Variants in PLEKHG1 observed in about 807,000 individuals in gnomAD.
The protein encoded by PLEKHG1 is pleckstrin homology and RhoGEF domain containing G1.
A neutral mutation model predicts 100.8 loss-of-function variants in PLEKHG1; 44 were observed. The ratio of observed to expected loss-of-function variants is 0.44; its 90% CI spans 0.34 to 0.56. PLEKHG1 has a LOEUF of 0.56. Among genes scored for constraint, PLEKHG1 ranks in the 20% least tolerant of loss-of-function variants. The pLI is 0.01. For synonymous variants in PLEKHG1, 640 were observed against 662.5 expected (o/e 0.97, Z 0.52); for missense variants, 1,545 against 1,720.9 (o/e 0.90, Z 1.81).
chr6:150,840,768 C>G, exon 16 of PLEKHG1: 1 of 1,614,140 alleles, frequency 6.2e-7, no homozygotes, highest in Non-Finnish European at 8.5e-7. Context: ...TTCACCATAT[C>G]TGACACCATA....
At chr6:150,801,432 CTTTTCTTTTTT>C (rs1217293448) in intron 6 of PLEKHG1, among the ~76,000 whole-genome samples, 1 of 125,850 alleles carries the variant, frequency 7.9e-6, no homozygotes, top group Non-Finnish European at 1.6e-5. Context: ...TTTTTCTTTT[CTTTTCTTTTTT>C]TTTTTTTTTT....
intron 15 of PLEKHG1, among the ~76,000 whole-genome samples, chr6:150,835,156 C>G (rs886395267): frequency 7.9e-5 from 12 of 152,100 alleles, no homozygotes; most frequent in Admixed American, 3.3e-4. Flanking sequence ...CAGATTTCTG[C>G]CTATAAATCA....
At chr6:150,813,941 G>C (rs1787701827) in intron 10 of PLEKHG1, among the ~76,000 whole-genome samples, 1 of 152,066 alleles carries the variant, frequency 6.6e-6, no homozygotes, top group Non-Finnish European at 1.5e-5. Flanking sequence ...AATTGAACTG[G>C]GTGGAAAATA....
At chr6:150,635,788 T>A (rs901913040) in intron 1 of PLEKHG1, among the ~76,000 whole-genome samples, 10 of 152,142 alleles carry the variant, frequency 6.6e-5, no homozygotes, top group Non-Finnish European at 1.3e-4. Context: ...TAAAACACTG[T>A]GTATCTTAAA....
chr6:150,668,239 CA>C (rs1376083525), intron 3 of PLEKHG1, among the ~76,000 whole-genome samples: 1 of 152,188 alleles, frequency 6.6e-6, no homozygotes, highest in Non-Finnish European at 1.5e-5. Flanking sequence ...CTGCTAAAAA[CA>C]GAACACAAAA....
chr6:150,611,199 A>T (rs984703801), intron 1 of PLEKHG1, among the ~76,000 whole-genome samples: 2 of 152,174 alleles, frequency 1.3e-5, no homozygotes, highest in African/African-American at 4.8e-5. Context: ...GAATTTGCAG[A>T]TCTGATGTTC....
chr6:150,713,930 G>A (rs1368396957), intron 3 of PLEKHG1, among the ~76,000 whole-genome samples: 1 of 152,208 alleles, frequency 6.6e-6, no homozygotes, highest in African/African-American at 2.4e-5. Flanking sequence ...CTCAATGGCT[G>A]TTACTCTGAA....
chr6:150,750,458 G>C (rs1783441228), intron 2 of PLEKHG1, among the ~76,000 whole-genome samples: 1 of 152,114 alleles, frequency 6.6e-6, no homozygotes, highest in African/African-American at 2.4e-5. Flanking sequence ...TTGAGATTTA[G>C]TACCCTAACA....
At chr6:150,772,768 T>C (rs1437861904) in intron 3 of PLEKHG1, among the ~76,000 whole-genome samples, 1 of 152,276 alleles carries the variant, frequency 6.6e-6, no homozygotes. Context: ...GATCTATCTC[T>C]GTATTTTGCC....
intron 3 of PLEKHG1, among the ~76,000 whole-genome samples, chr6:150,656,503 T>C (rs1368144255): frequency 6.6e-6 from 1 of 152,180 alleles, no homozygotes; most frequent in East Asian, 1.9e-4. Context: ...TTTCTGTTGC[T>C]GTAGACTCTT....
chr6:150,781,232 C>T lies in PLEKHG1; in HGVS notation c.513-5158C>T, dbSNP rs150374834. 7.4e-3 allele frequency among the ~76,000 whole-genome samples: 1,114 copies of T among 149,766 alleles called. 8 individuals carry two copies. The highest frequency in any genetic ancestry group is 0.026 in the African/African-American group (1,061 of 40,908). ...AAAATCAGTCAGATTAGGCTGGGCA[C>T]GGTGGCTCACACCTGTAATCCCAGC... is the stretch of plus-strand genomic sequence containing the variant. On this transcript the variant is annotated intron_variant, in intron 3 of 15. Coordinates refer to ENST00000358517, the Ensembl canonical transcript of PLEKHG1.
chr6:150,814,882 G>C (rs977794642), intron 10 of PLEKHG1, among the ~76,000 whole-genome samples: 1 of 152,092 alleles, frequency 6.6e-6, no homozygotes, highest in South Asian at 2.1e-4. Context: ...ACCACACCTG[G>C]CTAATTTTTG....
intron 5 of PLEKHG1, 95 bp from the exon 7 acceptor site, chr6:150,800,624 T>C (rs2073062): frequency 0.45 from 511,997 of 1,146,174 alleles, 115,633 homozygotes; most frequent in East Asian, 0.59. Context: ...GCTACCCTAC[T>C]CATTTTAGGG....
chr6:150,716,107 C>CAAAAAA (rs10592056), upstream of PLEKHG1, among the ~76,000 whole-genome samples: 1 of 137,302 alleles, frequency 7.3e-6, no homozygotes, highest in African/African-American at 2.7e-5. Flanking sequence ...GACTCCGTCT[C>CAAAAAA]AAAAAAAAAA....
chr6:150,638,317 A>G (rs181694239), intron 2 of PLEKHG1, among the ~76,000 whole-genome samples: 2 of 152,100 alleles, frequency 1.3e-5, no homozygotes, highest in Admixed American at 1.3e-4. Flanking sequence ...CTGTGCTCTC[A>G]TGTCGTTTTT....
At chr6:150,661,511 A>G (rs1562418726) in intron 3 of PLEKHG1, among the ~76,000 whole-genome samples, 2 of 152,220 alleles carry the variant, frequency 1.3e-5, no homozygotes, top group Admixed American at 1.3e-4. Context: ...CTTCAGGCAC[A>G]CAGAGCCTAT....
At chr6:150,669,903 T>C (rs1779527845) in intron 3 of PLEKHG1, among the ~76,000 whole-genome samples, 1 of 152,212 alleles carries the variant, frequency 6.6e-6, no homozygotes, top group African/African-American at 2.4e-5. Flanking sequence ...TGGCCAAGAA[T>C]GATTTCTTAA....
At chr6:150,787,149 C>T (rs1241951210) in intron 4 of PLEKHG1, among the ~76,000 whole-genome samples, 1 of 151,632 alleles carries the variant, frequency 6.6e-6, no homozygotes, top group African/African-American at 2.4e-5. Flanking sequence ...AAATATTTTA[C>T]GTATAATATA....
intron 2 of PLEKHG1, among the ~76,000 whole-genome samples, chr6:150,753,991 C>T (rs1783677794): frequency 6.6e-6 from 1 of 152,306 alleles, no homozygotes; most frequent in African/African-American, 2.4e-5. Flanking sequence ...GTGCTGGGAA[C>T]ACTAAAGCAC....
Sources: allele counts gnomAD v4.1 joint callset (sites outside exome capture counted in the v4.1 genomes callset), GRCh38; gene constraint gnomAD v4.1.1; transcripts MANE v1.5; gene names NCBI Gene and HGNC (gene_info 2026-07-23, HGNC 2026-07-21).